The following GET4 variants were observed in gnomAD, a reference collection of about 807,000 sequenced individuals.
The protein encoded by GET4 is Golgi to ER traffic protein 4 homolog.
GET4 carries 20 observed loss-of-function variants against 40.0 expected under a neutral mutation model. That is an observed-to-expected ratio of 0.50 (90% CI 0.35 to 0.73). The LOEUF is 0.73. GET4 is among the 30% of genes least tolerant of loss of function. The pLI is 0.01. For synonymous variants in GET4, 280 were observed against 194.6 expected, an observed-to-expected ratio of 1.44 and a Z score of -3.65; for missense variants, 557 against 454.0, an observed-to-expected ratio of 1.23 and a Z score of -2.06.
intron 6 of GET4, 126 bp from the exon 7 acceptor site, chr7:893,614 G>T: frequency 1.6e-6 from 1 of 643,654 alleles, no homozygotes; most frequent in Non-Finnish European, 2.8e-6. Flanking sequence ...GGTGTGTGCA[G>T]GTGAGTGTTG....
In GET4 at chr7:895,471, C is replaced by T. The variant is rs564958468; in HGVS notation, c.*49C>T. ...CCACGGTCGACGACGGCTGGAGGGACGTTTCAGAGGCGAGTCCTGGGTGGC... is the reference window on the plus strand; with the variant it reads ...CCACGGTCGACGACGGCTGGAGGGATGTTTCAGAGGCGAGTCCTGGGTGGC... On this transcript the variant is annotated 3_prime_UTR_variant, in exon 9 of 9. Transcript: ENST00000265857. The T allele has an allele frequency of 7.8e-5, 78 of 998,396 alleles. 1 individual carries two copies. The highest frequency in any genetic ancestry group is 3.7e-4 in the South Asian group (27 of 73,598). The allele number at this position is 998,396 out of a possible 1,614,324, so 61.8% of individuals were successfully genotyped here.
intron 4 of GET4, among the ~76,000 whole-genome samples, chr7:889,661 G>A (rs990563666): frequency 6.7e-6 from 1 of 148,668 alleles, no homozygotes; most frequent in Non-Finnish European, 1.5e-5. Context: ...AGTGTGAGCG[G>A]GTGTTAGGAC....
At chr7:878,875 G>A (rs1474626807) in intron 1 of GET4, among the ~76,000 whole-genome samples, 1 of 152,186 alleles carries the variant, frequency 6.6e-6, no homozygotes, top group Non-Finnish European at 1.5e-5. Context: ...CACGGCGCCC[G>A]GCCAGTAGAC....
chr7:891,283 G>A (rs1485692760), intron 5 of GET4, among the ~76,000 whole-genome samples: 1 of 152,216 alleles, frequency 6.6e-6, no homozygotes, highest in Non-Finnish European at 1.5e-5. Context: ...TTCCCGACGG[G>A]CACTGGAGTG....
At chr7:878,202 C>T (rs1004355695) in intron 1 of GET4, 5 of 465,160 alleles carry the variant, frequency 1.1e-5, no homozygotes, top group South Asian at 6.2e-5. Context: ...GTTAACTGCA[C>T]GCCCCTCGGG....
In GET4 at chr7:890,920, C is replaced by T; in HGVS notation, c.467-8C>T. ...ATGTATTTACATTTTTCTGTCTTTC[C>T]TTTGCAGAACAAAACTATTGTGAGT... On this transcript the variant is annotated splice_region_variant and splice_polypyrimidine_tract_variant and intron_variant, in intron 4 of 8. Transcript: ENST00000265857. The T allele has an allele frequency of 5.0e-6, 8 of 1,594,980 alleles. No individual in the cohort carries two copies. The highest frequency in any genetic ancestry group is 6.9e-6 in the Non-Finnish European group (8 of 1,163,066).
rs763485148 is a variant in GET4 at position 893,908 on chromosome 7, C to G, written c.832C>G (p.Arg278Gly). 1 of 1,611,138 alleles carries G rather than the reference C, an allele frequency of 6.2e-7. No individual in the cohort carries two copies. Among genetic ancestry groups the G allele is most frequent in the Non-Finnish European group, 8.5e-7 (1 of 1,178,178 alleles). The change falls in exon 8 of 9, where the codon CGC becomes GGC. Residue 278 changes from arginine to glycine, a missense_variant. Arg to Gly is a moderately radical substitution (Grantham distance 125). Transcript: ENST00000265857. ...RDPMYNEYLDRIGQLFFGVPP... is the reference protein window; with the variant it reads ...RDPMYNEYLDGIGQLFFGVPP... ...TGCCTGTGCCTTGCAGTACCTCGACCGCATAGGACAGCTGTTCTTCGGCGT... is the reference window on the plus strand; with the variant it reads ...TGCCTGTGCCTTGCAGTACCTCGACGGCATAGGACAGCTGTTCTTCGGCGT...
chr7:878,379 G>C, intron 1 of GET4: 1 of 470,974 alleles, frequency 2.1e-6, no homozygotes, highest in Non-Finnish European at 4.4e-6. Context: ...TATGGTTCAG[G>C]TCAGGGAACA....
chr7:877,545 C>T (rs1156978406), intron 1 of GET4, among the ~76,000 whole-genome samples: 1 of 117,348 alleles, frequency 8.5e-6, no homozygotes, highest in Non-Finnish European at 1.8e-5. Flanking sequence ...CGGCTCTCTC[C>T]CCAGCCTACC....
At chr7:894,608 A>T (rs1163182778) in intron 8 of GET4, among the ~76,000 whole-genome samples, 1 of 151,956 alleles carries the variant, frequency 6.6e-6, no homozygotes, top group Non-Finnish European at 1.5e-5. Flanking sequence ...CTCCACCCCA[A>T]CACCCGTCAG....
rs1348704819 is a variant in GET4, at chr7:876,639, C to T, written c.-7C>T. On this transcript the variant is annotated 5_prime_UTR_variant, in exon 1 of 9. Coordinates refer to ENST00000265857, the MANE Select transcript of GET4 (RefSeq NM_015949.3). ...ACAGCGTCAGCCCTGCGCGGAGCGC[C>T]GGCCCGATGGCGGCGGCGGCGGCGA... 9 of 1,255,022 alleles carry T rather than the reference C, an allele frequency of 7.2e-6. No homozygotes were observed. The East Asian group carries it at 2.6e-4, about 36-fold the overall frequency. 77.7% of individuals were successfully genotyped at this position (1,255,022 alleles called of 1,614,324 possible).
chr7:887,095 C>T (rs1465344934), intron 3 of GET4: 2 of 640,810 alleles, frequency 3.1e-6, no homozygotes, highest in Admixed American at 4.2e-5. Context: ...AGAGCGGCCA[C>T]AGCTGTTCCT....
intron 1 of GET4, 84 bp from the exon 2 acceptor site, chr7:885,972 T>G (rs558775000): frequency 5.8e-6 from 5 of 862,068 alleles, no homozygotes; most frequent in Admixed American, 1.8e-5. Context: ...GGCGCCTTGT[T>G]TTTAGCTTCT....
chr7:885,934 G>T (rs1250350200), intron 1 of GET4, 122 bp from the exon 2 acceptor site: 3 of 704,554 alleles, frequency 4.3e-6, no homozygotes, highest in Non-Finnish European at 7.6e-6. Context: ...CCTGGGAGCG[G>T]CTGCTTTTAG....
chr7:877,431 CCTCA>C (rs1322754368), intron 1 of GET4, among the ~76,000 whole-genome samples: 1 of 117,006 alleles, frequency 8.5e-6, no homozygotes, highest in Non-Finnish European at 1.8e-5. Context: ...CTCCCCCTGC[CCTCA>C]CTCCCGTCTC....
Position 895,152 on chromosome 7 carries a change from C to T in GET4, c.896-182C>T, listed in dbSNP as rs769848763. ...CATGTTTGAGTATCTCTGTGGTCGT[C>T]GGCTCCCTGGCCTCCAGAGTGTCCT... On this transcript the variant is annotated intron_variant, in intron 8 of 8. Coordinates refer to ENST00000265857, the MANE Select transcript of GET4 (RefSeq NM_015949.3). 1.4e-4 allele frequency among the ~76,000 whole-genome samples: 21 copies of T among 151,406 alleles called. No individual in the cohort carries two copies. The East Asian group carries it at 1.9e-3, about 14-fold the overall frequency.
At chr7:892,878 TTG>T (rs1280994058) in intron 6 of GET4, among the ~76,000 whole-genome samples, 4 of 150,772 alleles carry the variant, frequency 2.7e-5, no homozygotes, top group Admixed American at 6.6e-5. Context: ...GGTATGTGTG[TTG>T]TGTGTAGACG....
intron 8 of GET4, 78 bp from the exon 9 acceptor site, chr7:895,256 G>A (rs1248854272): frequency 4.2e-6 from 3 of 707,288 alleles, no homozygotes; most frequent in African/African-American, 3.6e-5. Context: ...CACCTTGTGA[G>A]ACGTTTGTGG....
At chr7:888,370 G>A (rs535964450) in intron 4 of GET4, among the ~76,000 whole-genome samples, 5 of 152,274 alleles carry the variant, frequency 3.3e-5, no homozygotes, top group Admixed American at 1.3e-4. Context: ...CTGGTCATGC[G>A]AAACGCATGC....
Sources: allele counts gnomAD v4.1 joint callset (sites outside exome capture counted in the v4.1 genomes callset), GRCh38; gene constraint gnomAD v4.1.1; transcripts MANE v1.5; gene names NCBI Gene and HGNC (gene_info 2026-07-23, HGNC 2026-07-21).